The following UTRN variants were observed in gnomAD, a reference collection of about 807,000 sequenced individuals.
The protein encoded by UTRN is utrophin.
A neutral mutation model predicts 463.9 loss-of-function variants in UTRN; 283 were observed. The observed-to-expected ratio is 0.61, with a 90% CI of 0.55 to 0.67. The LOEUF is 0.67. Among genes scored for constraint, UTRN ranks in the 30% least tolerant of loss-of-function variants. The pLI, the probability that UTRN is intolerant of heterozygous loss-of-function variation, is 0.00. For missense variants in UTRN, 3,922 were observed against 4,084.3 expected, an observed-to-expected ratio of 0.96 and a Z score of 1.08; for synonymous variants, 1,442 against 1,431.5, an observed-to-expected ratio of 1.01 and a Z score of -0.17.
At chr6:144,453,685 A>G in intron 18 of UTRN, 97 bp from the exon 19 acceptor site, 2 of 921,160 alleles carry the variant, frequency 2.2e-6, no homozygotes, top group Non-Finnish European at 3.2e-6. Flanking sequence ...AGATTTAAAA[A>G]GAATGTAGGA....
At chr6:144,846,897 T>G in intron 74 of UTRN, 70 bp downstream of exon 74, 4 of 1,575,016 alleles carry the variant, frequency 2.5e-6, no homozygotes, top group Non-Finnish European at 3.5e-6. Flanking sequence ...TATCCACGAC[T>G]GATTTTATTC....
At position 144,522,140 on chromosome 6, in the gene UTRN, A is replaced by G; in HGVS notation, c.5702A>G (p.Glu1901Gly). ...NVPELNTAIY[E>G]DFSFQEDSLK... ...CCAGAGCTCAACACTGCTATTTACG[A>G]AGACTTCTCTTTTCAGGAAGACTCT... Residue 1901 changes from glutamate (E) to glycine (G), a missense_variant, in exon 40 of 75, where the codon GAA becomes GGA. Transcript: ENST00000367545. 1.9e-6 allele frequency: 3 copies of G among 1,547,260 alleles called. No individual in the cohort carries two copies. Among genetic ancestry groups the G allele is most frequent in the Non-Finnish European group, 2.6e-6 (3 of 1,147,954 alleles).
chr6:144,592,761 T>G (rs1193264261), intron 51 of UTRN, among the ~76,000 whole-genome samples: 1 of 152,190 alleles, frequency 6.6e-6, no homozygotes, highest in African/African-American at 2.4e-5. Context: ...CCTGATTTCT[T>G]GTATCCTCAC....
At chr6:144,687,525 T>C (rs1264376939) in intron 52 of UTRN, among the ~76,000 whole-genome samples, 31 of 152,158 alleles carry the variant, frequency 2.0e-4, no homozygotes, top group Non-Finnish European at 1.5e-5. Flanking sequence ...TATATATGCA[T>C]ATGACAAATT....
At chr6:144,440,575 G>A in intron 13 of UTRN, 104 bp downstream of exon 13, 2 of 1,516,688 alleles carry the variant, frequency 1.3e-6, no homozygotes, top group African/African-American at 1.4e-5. Context: ...TTATCCAGAA[G>A]GGTAGAAAAA....
chr6:144,572,991 G>C (rs1801095702), intron 50 of UTRN, among the ~76,000 whole-genome samples: 1 of 152,088 alleles, frequency 6.6e-6, no homozygotes, highest in Non-Finnish European at 1.5e-5. Context: ...CACAATAGTT[G>C]AACTAATTTA....
At chr6:144,315,100 G>A (rs957709296) in intron 2 of UTRN, among the ~76,000 whole-genome samples, 2 of 152,104 alleles carry the variant, frequency 1.3e-5, no homozygotes, top group Non-Finnish European at 2.9e-5. Context: ...GGCTATAAGA[G>A]TTTCTAATTT....
chr6:144,682,368 TTATC>T (rs1270074715), intron 52 of UTRN, among the ~76,000 whole-genome samples: 1 of 152,272 alleles, frequency 6.6e-6, no homozygotes, highest in African/African-American at 2.4e-5. Context: ...TACATTTTCT[TTATC>T]CATTTATCTG....
chr6:144,699,826 G>A (rs1044109045), intron 52 of UTRN, among the ~76,000 whole-genome samples: 2 of 148,574 alleles, frequency 1.3e-5, no homozygotes, highest in African/African-American at 4.9e-5. Flanking sequence ...ACAGGAAATG[G>A]ATATATGTGT....
At chr6:144,290,694 C>G (rs1012232680) in intron 1 of UTRN, among the ~76,000 whole-genome samples, 4 of 151,064 alleles carry the variant, frequency 2.6e-5, no homozygotes, top group African/African-American at 7.3e-5. Context: ...CTATATTCTG[C>G]CATAGTCTTC....
intron 51 of UTRN, among the ~76,000 whole-genome samples, chr6:144,645,155 T>C (rs1257023103): frequency 6.6e-6 from 1 of 152,194 alleles, no homozygotes; most frequent in Non-Finnish European, 1.5e-5. Flanking sequence ...TATTGTTTAT[T>C]TTAGGTTGAG....
intron 39 of UTRN, among the ~76,000 whole-genome samples, chr6:144,520,771 C>T (rs1215847319): frequency 6.6e-6 from 1 of 152,188 alleles, no homozygotes; most frequent in African/African-American, 2.4e-5. Context: ...ATCGTTTTAC[C>T]TATCATCTTG....
chr6:144,678,596 C>G lies in UTRN; in HGVS notation c.7652+18C>G. 6.4e-7 allele frequency: 1 copy of G among 1,566,362 alleles called. No homozygotes were observed. Among genetic ancestry groups the G allele is most frequent in the Non-Finnish European group, 8.7e-7 (1 of 1,149,878 alleles). ...AGCATCAGGTCAGAATAGTCAATAT[C>G]AAAATAAAAATAATGGGGTGGAAGG... On this transcript the variant is annotated intron_variant, in intron 52 of 74. Coordinates refer to ENST00000367545, the MANE Select transcript of UTRN (RefSeq NM_007124.3).
At chr6:144,803,964 A>G (rs1586641553) in intron 65 of UTRN, among the ~76,000 whole-genome samples, 1 of 152,196 alleles carries the variant, frequency 6.6e-6, no homozygotes, top group Non-Finnish European at 1.5e-5. Context: ...TTAAAGTTTC[A>G]ATTTTACTAA....
chr6:144,327,271 G>T (rs1776033901), intron 2 of UTRN, among the ~76,000 whole-genome samples: 1 of 152,144 alleles, frequency 6.6e-6, no homozygotes. Context: ...CCTTTTGGCG[G>T]GAGAGAGTGA....
chr6:144,765,128 G>A (rs981547497), intron 58 of UTRN, among the ~76,000 whole-genome samples: 1 of 152,160 alleles, frequency 6.6e-6, no homozygotes, highest in South Asian at 2.1e-4. Flanking sequence ...TGGGTTTACT[G>A]AGTATTTGCA....
At chr6:144,331,167 G>A (rs1776306101) in intron 2 of UTRN, 1 of 368,192 alleles carries the variant, frequency 2.7e-6, no homozygotes, top group African/African-American at 2.2e-5. Flanking sequence ...GACCTAGGAA[G>A]TTTTTAAAAG....
At chr6:144,583,445 T>A in intron 51 of UTRN, 2 of 678,268 alleles carry the variant, frequency 2.9e-6, no homozygotes, top group Non-Finnish European at 5.5e-6. Context: ...TGATCGTTGC[T>A]CTTCATTTAT....
At chr6:144,584,283 T>C (rs1284071090) in intron 51 of UTRN, among the ~76,000 whole-genome samples, 2 of 152,170 alleles carry the variant, frequency 1.3e-5, no homozygotes, top group African/African-American at 4.8e-5. Flanking sequence ...TCAGCTGTTA[T>C]ATGTTTGATC....
Sources: allele counts gnomAD v4.1 joint callset (sites outside exome capture counted in the v4.1 genomes callset), GRCh38; gene constraint gnomAD v4.1.1; transcripts MANE v1.5; gene names NCBI Gene and HGNC (gene_info 2026-07-23, HGNC 2026-07-21).